Variants in CC2D2B observed in about 807,000 individuals in gnomAD.
CC2D2B encodes the protein protein CC2D2B.
Under a neutral mutation model 161.2 loss-of-function variants are expected in CC2D2B, and 128 were observed. That is an observed-to-expected ratio of 0.79 (90% CI 0.69 to 0.92). The LOEUF is 0.92. Ranked by LOEUF, CC2D2B falls within the 40% of genes least tolerant of loss-of-function variation. CC2D2B has a pLI of 0.00. For missense variants in CC2D2B, 1,173 were observed against 1,375.1 expected (o/e 0.85, Z 2.32); for synonymous variants, 391 against 449.8 (o/e 0.87, Z 1.65).
At chr10:96,014,903 A>G (rs562299637) in intron 29 of CC2D2B, among the ~76,000 whole-genome samples, 2 of 152,204 alleles carry the variant, frequency 1.3e-5, no homozygotes, top group South Asian at 2.1e-4. Context: ...GGTTCAGCCA[A>G]TGCACACTGA....
chr10:95,997,746 G>A (rs2078287073), intron 24 of CC2D2B, among the ~76,000 whole-genome samples: 1 of 152,158 alleles, frequency 6.6e-6, no homozygotes, highest in African/African-American at 2.4e-5. Flanking sequence ...CAGTAGGTCT[G>A]GGGTAGGGTC....
At position 96,004,183 on chromosome 10, in the gene CC2D2B, T is replaced by A. The variant is rs768162407; in HGVS notation, c.2881T>A (p.Leu961Ile). 6.4e-7 allele frequency: 1 copy of A among 1,554,676 alleles called. No individual in the cohort carries two copies. The highest frequency in any genetic ancestry group is 1.2e-5 in the South Asian group (1 of 81,904). The change falls in exon 25 of 35, where the codon TTA (leucine) becomes ATA (isoleucine). Residue 961 changes from leucine to isoleucine, a missense_variant. Around this residue, in one of 3 missense-constraint regions of CC2D2B, gnomAD observed 598 missense variants for 693.2 expected, o/e 0.86. Coordinates refer to ENST00000646931, the MANE Select transcript of CC2D2B (RefSeq NM_001349008.3). ...AGGACATGATTATAGCTTCTCAAGC[T>A]TATCTAAAATAAAAGATAACATATA... ...SPGHDYSFSS[L>I]SKIKDNIYIN...
chr10:95,934,368 C>T (rs978105033), intron 6 of CC2D2B, among the ~76,000 whole-genome samples: 2 of 151,988 alleles, frequency 1.3e-5, no homozygotes, highest in Non-Finnish European at 2.9e-5. Context: ...TGGCTTCAGC[C>T]TCCTTTCCAG....
At chr10:95,945,470 C>G (rs2076163814) in intron 9 of CC2D2B, among the ~76,000 whole-genome samples, 1 of 152,206 alleles carries the variant, frequency 6.6e-6, no homozygotes, top group Non-Finnish European at 1.5e-5. Context: ...CCTCTACTAT[C>G]CCAGGTACCC....
intron 15 of CC2D2B, among the ~76,000 whole-genome samples, chr10:95,969,333 G>C (rs1277282093): frequency 1.3e-5 from 2 of 151,998 alleles, no homozygotes; most frequent in African/African-American, 4.8e-5. Context: ...ATCCCTCTAA[G>C]AATCAGATGA....
chr10:95,943,922 A>G (rs1448029613), intron 9 of CC2D2B, among the ~76,000 whole-genome samples: 1 of 152,172 alleles, frequency 6.6e-6, no homozygotes, highest in Non-Finnish European at 1.5e-5. Flanking sequence ...TCATCCAACC[A>G]GGGACTTAAC....
intron 12 of CC2D2B, among the ~76,000 whole-genome samples, chr10:95,964,522 A>T (rs932352383): frequency 2.0e-5 from 3 of 152,146 alleles, no homozygotes; most frequent in Non-Finnish European, 4.4e-5. Context: ...AGAAAATAAT[A>T]ATAATATTTA....
At chr10:95,987,828 T>C (rs7093112) in intron 19 of CC2D2B, among the ~76,000 whole-genome samples, 91,288 of 151,994 alleles carry the variant, frequency 0.6, 27,557 homozygotes, top group East Asian at 0.82. Flanking sequence ...TTTTCCAAAC[T>C]GCACAGTTAG....
At chr10:95,926,844 G>GTC (rs1554828988) in intron 5 of CC2D2B, among the ~76,000 whole-genome samples, 4,384 of 143,308 alleles carry the variant, frequency 0.031, 68 homozygotes, top group Non-Finnish European at 0.045. Flanking sequence ...GTGTGTGTGT[G>GTC]TGTCTGTGTG....
chr10:95,968,719 T>C lies in CC2D2B; in HGVS notation c.1467-5T>C. 1 of 1,171,680 alleles carries C rather than the reference T, an allele frequency of 8.5e-7. No homozygotes were observed. Among genetic ancestry groups the C allele is most frequent in the Non-Finnish European group, 1.1e-6 (1 of 933,156 alleles). 72.6% of individuals were successfully genotyped at this position (1,171,680 alleles called of 1,614,324 possible). ...GGGTGATTTAAAGGTTTGTTTAATT[T>C]TTAGGCATGAACAAAAAAGAAGAGC... is the stretch of plus-strand genomic sequence containing the variant. On this transcript the variant is annotated splice_region_variant and splice_polypyrimidine_tract_variant and intron_variant, in intron 14 of 34. Coordinates refer to ENST00000646931, the MANE Select transcript of CC2D2B (RefSeq NM_001349008.3).
intron 9 of CC2D2B, among the ~76,000 whole-genome samples, chr10:95,948,362 A>G (rs1241738111): frequency 1.0e-5 from 1 of 95,340 alleles, no homozygotes; most frequent in Non-Finnish European, 2.1e-5. Context: ...CATATCTACA[A>G]CTATCTGATC....
intron 17 of CC2D2B, among the ~76,000 whole-genome samples, chr10:95,975,206 C>T (rs2077271484): frequency 6.6e-6 from 1 of 152,060 alleles, no homozygotes; most frequent in African/African-American, 2.4e-5. Flanking sequence ...AATTGTTATA[C>T]ATAACTGGAT....
In CC2D2B at chr10:96,019,200, C is replaced by G; in HGVS notation, c.3631-3C>G. The G allele has an allele frequency of 6.3e-7, 1 of 1,580,086 alleles. No homozygotes were observed. The highest frequency in any genetic ancestry group is 1.2e-5 in the South Asian group (1 of 85,092). ...AAAAATTACTTTCTTTTTTCTCATA[C>G]AGGGGCATGTGGCTTATGTAGTAAC... On this transcript the variant is annotated splice_region_variant and splice_polypyrimidine_tract_variant and intron_variant, in intron 30 of 34. Coordinates refer to ENST00000646931, the MANE Select transcript of CC2D2B (RefSeq NM_001349008.3).
At chr10:95,923,474 A>T (rs547349031) in intron 3 of CC2D2B, among the ~76,000 whole-genome samples, 3 of 152,354 alleles carry the variant, frequency 2.0e-5, no homozygotes, top group African/African-American at 7.2e-5. Context: ...TAAAATGGGT[A>T]TCCAGAGACT....
At chr10:95,909,627 C>G (rs1311933650) in intron 1 of CC2D2B, among the ~76,000 whole-genome samples, 1 of 152,094 alleles carries the variant, frequency 6.6e-6, no homozygotes, top group Non-Finnish European at 1.5e-5. Flanking sequence ...TAAAGGGAAC[C>G]AATTTTCTGA....
intron 6 of CC2D2B, among the ~76,000 whole-genome samples, chr10:95,933,953 C>T (rs1365830674): frequency 6.6e-6 from 1 of 152,152 alleles, no homozygotes; most frequent in African/African-American, 2.4e-5. Flanking sequence ...CAGGCAGGAA[C>T]GTTTAAGTCT....
At chr10:95,942,558 G>C (rs547007286) in intron 9 of CC2D2B, among the ~76,000 whole-genome samples, 1 of 151,998 alleles carries the variant, frequency 6.6e-6, no homozygotes, top group African/African-American at 2.4e-5. Context: ...TTAAGAAAAA[G>C]ATTTGGTAGT....
chr10:96,017,327 AAGCTT>A (rs1222197823), intron 30 of CC2D2B, among the ~76,000 whole-genome samples: 1 of 152,170 alleles, frequency 6.6e-6, no homozygotes, highest in Non-Finnish European at 1.5e-5. Context: ...TTTCATTGCC[AAGCTT>A]GTTAACTATT....
chr10:95,941,954 G>A (rs999087307), intron 9 of CC2D2B, among the ~76,000 whole-genome samples: 1 of 152,156 alleles, frequency 6.6e-6, no homozygotes, highest in Non-Finnish European at 1.5e-5. Flanking sequence ...GCTGTTCATT[G>A]ACAGTTGAAT....
Sources: allele counts gnomAD v4.1 joint callset (sites outside exome capture counted in the v4.1 genomes callset), GRCh38; gene constraint gnomAD v4.1.1; regional missense constraint gnomAD v4.1.1; transcripts MANE v1.5; gene names NCBI Gene and HGNC (gene_info 2026-07-23, HGNC 2026-07-21).